Variants in TMEM117 observed in about 807,000 individuals in gnomAD.
TMEM117 encodes transmembrane protein 117.
In TMEM117, 27 loss-of-function variants were observed where a neutral mutation model predicts 52.4. The ratio of observed to expected loss-of-function variants is 0.51; its 90% CI spans 0.38 to 0.71. The LOEUF is 0.71. Ranked by LOEUF, TMEM117 falls within the 30% of genes least tolerant of loss-of-function variation. The pLI, the probability that TMEM117 is intolerant of heterozygous loss-of-function variation, is 0.00. For missense variants in TMEM117, 556 were observed against 630.5 expected (o/e 0.88, Z 1.26); for synonymous variants, 215 against 206.3 (o/e 1.04, Z -0.36).
intron 5 of TMEM117, among the ~76,000 whole-genome samples, chr12:44,220,511 AT>A (rs1174698438): frequency 6.6e-6 from 1 of 152,178 alleles, no homozygotes; most frequent in Non-Finnish European, 1.5e-5. Flanking sequence ...TACAGGGATA[AT>A]TGTAGCTATG....
intron 3 of TMEM117, chr12:44,010,369 G>C (rs1326650260): frequency 4.0e-5 from 15 of 378,910 alleles, no homozygotes; most frequent in Non-Finnish European, 6.9e-5. Context: ...CTCTGTTCCT[G>C]CGCCACATGG....
intron 3 of TMEM117, among the ~76,000 whole-genome samples, chr12:44,017,419 GT>G (rs912401867): frequency 3.4e-5 from 5 of 147,852 alleles, no homozygotes; most frequent in African/African-American, 1.3e-4. Flanking sequence ...AAGTCTCACA[GT>G]TGTGGAAAGA....
At chr12:44,291,374 GTTT>G (rs1185340451) in intron 5 of TMEM117, among the ~76,000 whole-genome samples, 1 of 71,452 alleles carries the variant, frequency 1.4e-5, no homozygotes, top group Non-Finnish European at 2.8e-5. Context: ...AGTTCTAACA[GTTT>G]TTTTTTTTTT....
At chr12:44,021,988 G>A (rs1006055132) in intron 3 of TMEM117, among the ~76,000 whole-genome samples, 36 of 152,294 alleles carry the variant, frequency 2.4e-4, no homozygotes, top group African/African-American at 7.9e-4. Context: ...ATATATCTAT[G>A]AGTATGTTAT....
At chr12:44,239,711 G>A (rs1950039189) in intron 5 of TMEM117, among the ~76,000 whole-genome samples, 1 of 151,898 alleles carries the variant, frequency 6.6e-6, no homozygotes, top group African/African-American at 2.4e-5. Flanking sequence ...GTTGTCAATG[G>A]TACCAGTATG....
intron 3 of TMEM117, chr12:44,008,961 A>G (rs1385002073): frequency 5.3e-6 from 2 of 376,026 alleles, no homozygotes; most frequent in Non-Finnish European, 1.1e-5. Context: ...CTTGTGTCAC[A>G]TTGGTGACGC....
intron 3 of TMEM117, among the ~76,000 whole-genome samples, chr12:44,055,008 G>A (rs192350638): frequency 6.6e-6 from 1 of 152,192 alleles, no homozygotes; most frequent in Admixed American, 6.5e-5. Flanking sequence ...TCACCTCAGT[G>A]TTAATCCTAC....
intron 2 of TMEM117, among the ~76,000 whole-genome samples, chr12:43,919,452 T>C (rs1276618071): frequency 1.3e-5 from 2 of 152,236 alleles, no homozygotes; most frequent in Non-Finnish European, 2.9e-5. Flanking sequence ...CCATGCTGTC[T>C]CATATGGCAG....
chr12:44,105,837 G>A (rs73288036), intron 3 of TMEM117, among the ~76,000 whole-genome samples: 4,630 of 152,044 alleles, frequency 0.03, 158 homozygotes, highest in African/African-American at 0.083. Flanking sequence ...AGAGCAGAGC[G>A]CTCTGTCATA....
rs199949132 is a variant in TMEM117 at position 44,372,703 on chromosome 12, A to G, written c.769-3892A>G. ...GATTCTCAATTAGAAAACATAGAGC[A>G]GGTAAAAATAATTCCAGTTCTTAAT... On this transcript the variant is annotated intron_variant, in intron 6 of 7. Transcript: ENST00000266534. 7.2e-5 allele frequency among the ~76,000 whole-genome samples: 11 copies of G among 152,332 alleles called. No individual in the cohort carries two copies. The East Asian group carries it at 1.7e-3, about 24-fold the overall frequency.
At chr12:44,220,812 A>G (rs1248362994) in intron 5 of TMEM117, among the ~76,000 whole-genome samples, 1 of 152,212 alleles carries the variant, frequency 6.6e-6, no homozygotes, top group African/African-American at 2.4e-5. Context: ...GGCCAAAGCT[A>G]GAGAAATTTG....
chr12:44,361,234 A>T (rs1295644162), intron 6 of TMEM117, among the ~76,000 whole-genome samples: 1 of 152,200 alleles, frequency 6.6e-6, no homozygotes, highest in East Asian at 1.9e-4. Flanking sequence ...TGAGCAATTT[A>T]TACAGCTACA....
intron 4 of TMEM117, among the ~76,000 whole-genome samples, chr12:44,209,786 C>T (rs1193121829): frequency 6.6e-6 from 1 of 152,084 alleles, no homozygotes; most frequent in Non-Finnish European, 1.5e-5. Flanking sequence ...TCAGATCTTT[C>T]CTGAAAACTG....
chr12:43,797,593 G>A, the TMEM117 span: 2 of 1,433,608 alleles, frequency 1.4e-6, no homozygotes, highest in Non-Finnish European at 1.9e-6. Flanking sequence ...TTTACAAAAT[G>A]AATTTTAGAA....
At chr12:44,012,820 C>T (rs1339427260) in intron 3 of TMEM117, among the ~76,000 whole-genome samples, 2 of 152,066 alleles carry the variant, frequency 1.3e-5, no homozygotes, top group African/African-American at 4.8e-5. Flanking sequence ...GTTCTGATAC[C>T]AGTTCAGTTT....
chr12:43,866,223 G>A (rs867213603), intron 2 of TMEM117, among the ~76,000 whole-genome samples: 5 of 151,700 alleles, frequency 3.3e-5, no homozygotes, highest in South Asian at 2.1e-4. Flanking sequence ...TTCTTATCAC[G>A]AACAAGGGAG....
chr12:44,120,101 G>A (rs956514791), intron 3 of TMEM117, among the ~76,000 whole-genome samples: 6 of 152,276 alleles, frequency 3.9e-5, no homozygotes, highest in Non-Finnish European at 7.4e-5. Context: ...CTGGGCAATT[G>A]TCTGGTGCCC....
chr12:44,147,777 C>G (rs927633043), intron 4 of TMEM117, among the ~76,000 whole-genome samples: 3 of 151,790 alleles, frequency 2.0e-5, no homozygotes, highest in African/African-American at 7.3e-5. Flanking sequence ...ACTAAAAATA[C>G]AAAAATTAGC....
intron 6 of TMEM117, among the ~76,000 whole-genome samples, chr12:44,306,040 A>C (rs914901394): frequency 2.6e-5 from 4 of 152,158 alleles, no homozygotes. Context: ...ACCAAATACC[A>C]CATGTTCTCA....
Sources: gnomAD v4.1 joint callset for allele counts (sites outside exome capture counted in the v4.1 genomes callset) on GRCh38, gnomAD v4.1.1 for gene constraint, MANE v1.5 for transcripts, NCBI Gene and HGNC (gene_info 2026-07-23, HGNC 2026-07-21) for gene names.